Variants in IMMP2L observed in about 807,000 individuals in gnomAD.
IMMP2L encodes mitochondrial inner membrane protease subunit 2.
In IMMP2L, 18 loss-of-function variants were observed where a neutral mutation model predicts 19.3. That is an observed-to-expected ratio of 0.93 (90% CI 0.64 to 1.38). The LOEUF (loss-of-function observed/expected upper bound fraction) is 1.38. Ranked by LOEUF, IMMP2L falls within the 40% of genes most tolerant of loss-of-function variation. The pLI is 0.00. For missense variants in IMMP2L, 233 were observed against 218.2 expected (o/e 1.07, Z -0.43); for synonymous variants, 76 against 73.0 (o/e 1.04, Z -0.21).
At chr7:111,073,855 C>T (rs1486267278) in intron 3 of IMMP2L, among the ~76,000 whole-genome samples, 1 of 152,080 alleles carries the variant, frequency 6.6e-6, no homozygotes, top group Non-Finnish European at 1.5e-5. Context: ...AATTATTAAC[C>T]TTTGTCTTTG....
intron 4 of IMMP2L, among the ~76,000 whole-genome samples, chr7:110,937,968 C>T (rs1816306502): frequency 6.6e-6 from 1 of 152,182 alleles, no homozygotes; most frequent in Admixed American, 6.6e-5. Context: ...GAAGTGGCCT[C>T]TGTTCCCTGA....
At chr7:111,438,374 A>G (rs1585098697) in intron 3 of IMMP2L, among the ~76,000 whole-genome samples, 1 of 151,792 alleles carries the variant, frequency 6.6e-6, no homozygotes, top group Admixed American at 6.6e-5. Flanking sequence ...CTTTTTTATT[A>G]AAAAAAGAAG....
intron 4 of IMMP2L, among the ~76,000 whole-genome samples, chr7:110,959,695 T>C (rs192425160): frequency 1.3e-5 from 2 of 152,052 alleles, no homozygotes. Context: ...TTTATTTACA[T>C]TTTTCATTGC....
chr7:111,559,814 A>G (rs922824830), intron 1 of IMMP2L, among the ~76,000 whole-genome samples: 1 of 152,148 alleles, frequency 6.6e-6, no homozygotes, highest in Non-Finnish European at 1.5e-5. Flanking sequence ...GAAATCAAGC[A>G]GCAGAGAAAT....
chr7:111,483,386 A>C (rs1158039950), intron 3 of IMMP2L: 1 of 152,144 alleles, frequency 6.6e-6, no homozygotes, highest in Non-Finnish European at 1.5e-5. Context: ...TAGAAAATTC[A>C]CCTTACTCAC....
intron 3 of IMMP2L, among the ~76,000 whole-genome samples, chr7:111,399,402 C>T (rs563977220): frequency 6.6e-6 from 1 of 152,168 alleles, no homozygotes; most frequent in Admixed American, 6.5e-5. Flanking sequence ...CTTTCTGTTG[C>T]CCAGGCTGCA....
intron 5 of IMMP2L, among the ~76,000 whole-genome samples, chr7:110,747,962 C>G (rs911301876): frequency 1.3e-5 from 2 of 152,174 alleles, no homozygotes; most frequent in African/African-American, 4.8e-5. Flanking sequence ...CAAATTGTCT[C>G]TGTTTGAAGA....
intron 5 of IMMP2L, among the ~76,000 whole-genome samples, chr7:110,873,057 C>T (rs900457433): frequency 1.3e-5 from 2 of 152,186 alleles, no homozygotes; most frequent in African/African-American, 4.8e-5. Context: ...AATAATTTCT[C>T]TCTCTGCTAG....
At chr7:111,330,505 G>A (rs1198215226) in intron 3 of IMMP2L, among the ~76,000 whole-genome samples, 1 of 151,032 alleles carries the variant, frequency 6.6e-6, no homozygotes, top group African/African-American at 2.4e-5. Flanking sequence ...GCCACGGGGT[G>A]GGGGGAAAAA....
intron 3 of IMMP2L, chr7:111,390,730 T>C (rs1417227634): frequency 6.6e-6 from 1 of 152,154 alleles, no homozygotes; most frequent in African/African-American, 2.4e-5. Context: ...ACGATTTCCA[T>C]GGCAATAGGT....
intron 3 of IMMP2L, among the ~76,000 whole-genome samples, chr7:111,445,511 AT>A (rs1838258251): frequency 6.6e-6 from 1 of 152,176 alleles, no homozygotes; most frequent in South Asian, 2.1e-4. Flanking sequence ...AGAAGTATAA[AT>A]GTGAAGACTG....
At chr7:111,014,308 T>C (rs997731605) in intron 3 of IMMP2L, among the ~76,000 whole-genome samples, 1 of 151,948 alleles carries the variant, frequency 6.6e-6, no homozygotes, top group African/African-American at 2.4e-5. Flanking sequence ...TGAGCCGAGA[T>C]TGCATCATTG....
At chr7:110,949,473 G>A (rs1314193153) in intron 4 of IMMP2L, among the ~76,000 whole-genome samples, 1 of 152,130 alleles carries the variant, frequency 6.6e-6, no homozygotes, top group Admixed American at 6.5e-5. Flanking sequence ...ATTTTCTACT[G>A]ATTTCCAAGT....
chr7:111,232,555 A>G (rs1813833426), intron 3 of IMMP2L, among the ~76,000 whole-genome samples: 1 of 152,054 alleles, frequency 6.6e-6, no homozygotes, highest in Admixed American at 6.6e-5. Context: ...TTCTTTTGTT[A>G]ACTTCTTTTT....
At chr7:111,471,482 T>C (rs1311249961) in intron 3 of IMMP2L, among the ~76,000 whole-genome samples, 1 of 152,000 alleles carries the variant, frequency 6.6e-6, no homozygotes, top group Non-Finnish European at 1.5e-5. Flanking sequence ...TACTGAACAC[T>C]TGAAATGCAA....
rs150612420 is a variant in IMMP2L at position 110,721,833 on chromosome 7, A to C, written c.409-58112T>G. Among the ~76,000 whole-genome samples, 60 of 152,270 alleles carry C rather than the reference A, an allele frequency of 3.9e-4. No homozygotes were observed. The East Asian group carries it at 0.01, about 25-fold the overall frequency. ...GGGACTGGATAAAGATAAGTAAGAAAGTGTTTCAAATACTTTGCAATATAA... is the reference window on the plus strand; with the variant it reads ...GGGACTGGATAAAGATAAGTAAGAACGTGTTTCAAATACTTTGCAATATAA... On this transcript the variant is annotated intron_variant, in intron 5 of 5. Transcript: ENST00000405709.
intron 2 of IMMP2L, among the ~76,000 whole-genome samples, chr7:111,487,728 G>A (rs1842773951): frequency 6.6e-6 from 1 of 151,962 alleles, no homozygotes; most frequent in African/African-American, 2.4e-5. Flanking sequence ...GTTCCATCTG[G>A]GGAAAAGAAG....
chr7:111,416,864 A>G (rs1326540382), intron 3 of IMMP2L, among the ~76,000 whole-genome samples: 1 of 151,748 alleles, frequency 6.6e-6, no homozygotes, highest in Non-Finnish European at 1.5e-5. Flanking sequence ...TAAGCAGAAT[A>G]TGGTATGATA....
chr7:111,179,782 C>T (rs2129610775), intron 3 of IMMP2L, among the ~76,000 whole-genome samples: 1 of 152,148 alleles, frequency 6.6e-6, no homozygotes, highest in South Asian at 2.1e-4. Context: ...TTAGTGAAGC[C>T]ACCTTCATCA....
Sources: allele counts gnomAD v4.1 joint callset (sites outside exome capture counted in the v4.1 genomes callset), GRCh38; gene constraint gnomAD v4.1.1; transcripts MANE v1.5; gene names NCBI Gene and HGNC (gene_info 2026-07-23, HGNC 2026-07-21).